Variants in ENAH observed in about 807,000 individuals in gnomAD.
ENAH encodes the protein protein enabled homolog.
ENAH carries 23 observed loss-of-function variants against 78.7 expected under a neutral mutation model. The ratio of observed to expected loss-of-function variants is 0.29; its 90% CI spans 0.21 to 0.41. The LOEUF is 0.41. ENAH is among the 10% of genes least tolerant of loss of function. The probability of loss-of-function intolerance (pLI) is 1.00; values close to 1 mark genes in which losing one functional copy is unlikely to be tolerated. For synonymous variants in ENAH, 226 were observed against 241.0 expected, an observed-to-expected ratio of 0.94 and a Z score of 0.58; for missense variants, 544 against 691.0, an observed-to-expected ratio of 0.79 and a Z score of 2.39.
In ENAH at chr1:225,488,604, T is replaced by G. The variant is rs978049274; in HGVS notation, c.*9171A>C. 6.6e-6 allele frequency: 1 copy of G among 152,206 alleles called. No homozygotes were observed. Among genetic ancestry groups the G allele is most frequent in the Non-Finnish European group, 1.5e-5 (1 of 68,034 alleles). The allele number at this position is 152,206 out of a possible 1,614,324, so 9.4% of individuals were successfully genotyped here. A position where few individuals can be genotyped will look rare whatever the true frequency, so the allele number is the denominator to read the frequency against. On this transcript the variant is annotated 3_prime_UTR_variant, in exon 14 of 14. Coordinates refer to ENST00000366843, the MANE Select transcript of ENAH (RefSeq NM_018212.6). ...TGCATCAACTACAGATGTCTCAAAATAGAATTCTTTCTAGCTCATTCAGTT... is the reference window on the plus strand; with the variant it reads ...TGCATCAACTACAGATGTCTCAAAAGAGAATTCTTTCTAGCTCATTCAGTT...
At chr1:225,553,105 G>A (rs773772788) in intron 3 of ENAH, among the ~76,000 whole-genome samples, 1 of 152,086 alleles carries the variant, frequency 6.6e-6, no homozygotes, top group African/African-American at 2.4e-5. Context: ...GTGGTGGTGA[G>A]CACCGGTAAT....
At chr1:225,590,082 AACACACACACACACACACACACACACAC>A (rs3050220) in intron 1 of ENAH, among the ~76,000 whole-genome samples, 1 of 131,416 alleles carries the variant, frequency 7.6e-6, no homozygotes, top group African/African-American at 2.8e-5. Context: ...CTCATCACTC[AACACACACACACACACACACACACACAC>A]ACACACACAC....
chr1:225,598,270 T>C (rs960134905), intron 1 of ENAH, among the ~76,000 whole-genome samples: 5 of 151,944 alleles, frequency 3.3e-5, no homozygotes, highest in African/African-American at 4.8e-5. Context: ...ATATAATATC[T>C]TGCTGTTTTC....
At chr1:225,570,571 T>C (rs2096756590) in intron 1 of ENAH, among the ~76,000 whole-genome samples, 1 of 152,136 alleles carries the variant, frequency 6.6e-6, no homozygotes, top group African/African-American at 2.4e-5. Context: ...AAGATCTCTA[T>C]AATGATCCAT....
At chr1:225,651,457 T>C (rs1662987732) in intron 1 of ENAH, among the ~76,000 whole-genome samples, 1 of 152,148 alleles carries the variant, frequency 6.6e-6, no homozygotes, top group Non-Finnish European at 1.5e-5. Context: ...AGAATTCCAA[T>C]GACATGACAT....
At chr1:225,570,730 G>A (rs775871586) in intron 1 of ENAH, among the ~76,000 whole-genome samples, 12 of 151,868 alleles carry the variant, frequency 7.9e-5, no homozygotes, top group Admixed American at 2.0e-4. Context: ...GGCCGAGGCG[G>A]GCAGATCACC....
At chr1:225,505,487 A>G (rs971184424) in intron 11 of ENAH, among the ~76,000 whole-genome samples, 2 of 152,208 alleles carry the variant, frequency 1.3e-5, no homozygotes, top group Non-Finnish European at 2.9e-5. Flanking sequence ...TTACTCTGAC[A>G]TATTCACTTA....
At chr1:225,545,773 TC>T (rs941995623) in intron 3 of ENAH, among the ~76,000 whole-genome samples, 3 of 152,134 alleles carry the variant, frequency 2.0e-5, no homozygotes, top group African/African-American at 2.4e-5. Context: ...ACTTTTTGAA[TC>T]CCTGAGTTAG....
chr1:225,552,922 T>A lies in ENAH; in HGVS notation c.349+1984A>T, dbSNP rs528396981. On this transcript the variant is annotated intron_variant, in intron 3 of 13. Coordinates refer to ENST00000366843, the MANE Select transcript of ENAH (RefSeq NM_018212.6). ...TTGAGTCTCTCCACATTAAGATTCA[T>A]TAATTTGAAAAGATCAAGATTTAAA... 3.0e-4 allele frequency among the ~76,000 whole-genome samples: 45 copies of A among 152,282 alleles called. No individual in the cohort carries two copies. In the South Asian group the frequency reaches 9.3e-3, roughly 32 times the overall value.
intron 1 of ENAH, among the ~76,000 whole-genome samples, chr1:225,617,102 TA>T (rs58590760): frequency 0.092 from 13,073 of 141,510 alleles, 614 homozygotes; most frequent in Admixed American, 0.15. Flanking sequence ...CCATCTCAAT[TA>T]AAAAAAAAAA....
chr1:225,629,461 C>G (rs1290284133), intron 1 of ENAH, among the ~76,000 whole-genome samples: 1 of 151,768 alleles, frequency 6.6e-6, no homozygotes, highest in South Asian at 2.1e-4. Flanking sequence ...GTGGAGTGCA[C>G]CTGTAATCCC....
chr1:225,614,260 T>A (rs1033525362), intron 1 of ENAH, among the ~76,000 whole-genome samples: 1 of 152,150 alleles, frequency 6.6e-6, no homozygotes, highest in Non-Finnish European at 1.5e-5. Context: ...GGTTTCCCCA[T>A]GTTGGCAAGG....
intron 1 of ENAH, among the ~76,000 whole-genome samples, chr1:225,589,804 C>G (rs1051906882): frequency 6.6e-6 from 1 of 151,942 alleles, no homozygotes; most frequent in Admixed American, 6.6e-5. Flanking sequence ...CATATGTTAA[C>G]AGAAAAATTC....
At chr1:225,570,919 C>T (rs1408940157) in intron 1 of ENAH, among the ~76,000 whole-genome samples, 2 of 151,904 alleles carry the variant, frequency 1.3e-5, no homozygotes, top group East Asian at 3.9e-4. Context: ...GCTGAGATCG[C>T]GCCATGACAC....
intron 1 of ENAH, among the ~76,000 whole-genome samples, chr1:225,593,922 T>C (rs1238474649): frequency 1.3e-5 from 2 of 152,230 alleles, no homozygotes; most frequent in Non-Finnish European, 2.9e-5. Flanking sequence ...AATCAACAGT[T>C]GCTTGCAAAG....
In ENAH at chr1:225,490,391, G is replaced by C. The variant is rs866548234; in HGVS notation, c.*7384C>G. Reference sequence around the variant, plus strand: ...AGTTCAAGACCAGCCTGGGCAACATGGTGAAACCCCATCTCTACTAAAAAT... The same window carrying C: ...AGTTCAAGACCAGCCTGGGCAACATCGTGAAACCCCATCTCTACTAAAAAT... On this transcript the variant is annotated 3_prime_UTR_variant, in exon 14 of 14. Coordinates refer to ENST00000366843, the MANE Select transcript of ENAH (RefSeq NM_018212.6). 1.3e-5 allele frequency: 2 copies of C among 152,128 alleles called. No individual in the cohort carries two copies. The highest frequency in any genetic ancestry group is 1.3e-4 in the Admixed American group (2 of 15,264). 9.4% of individuals were successfully genotyped at this position (152,128 alleles called of 1,614,324 possible). A position where few individuals can be genotyped will look rare whatever the true frequency, so the allele number is the denominator to read the frequency against.
In ENAH at chr1:225,609,656, A is replaced by ATTTT. The variant is rs59508510; in HGVS notation, c.6-42246_6-42243dup. 7.8e-4 allele frequency among the ~76,000 whole-genome samples: 60 copies of ATTTT among 76,506 alleles called. 6 individuals carry two copies. Among genetic ancestry groups the ATTTT allele is most frequent in the African/African-American group, 2.2e-3 (43 of 19,112 alleles). 50.2% of individuals were successfully genotyped at this position (76,506 alleles called of 152,430 possible). ...ATTCTAGCAGGAAAGGGAAAAATGG[A>ATTTT]TTTTTTTTTTTTTTTTTTTTTTTTT... On this transcript the variant is annotated intron_variant, in intron 1 of 13. Transcript: ENST00000366843.
chr1:225,590,243 G>A (rs972132536), intron 1 of ENAH, among the ~76,000 whole-genome samples: 2 of 152,076 alleles, frequency 1.3e-5, no homozygotes, highest in African/African-American at 4.8e-5. Context: ...CAGCACTTTG[G>A]GAGACCGAAT....
chr1:225,651,564 A>C (rs1251468263), intron 1 of ENAH, among the ~76,000 whole-genome samples: 1 of 152,236 alleles, frequency 6.6e-6, no homozygotes, highest in Non-Finnish European at 1.5e-5. Flanking sequence ...TTAATCTTTA[A>C]CACAAAGGAG....
Sources: allele counts gnomAD v4.1 joint callset (sites outside exome capture counted in the v4.1 genomes callset), GRCh38; gene constraint gnomAD v4.1.1; transcripts MANE v1.5; gene names NCBI Gene and HGNC (gene_info 2026-07-23, HGNC 2026-07-21).